The following LRRC59 variants were observed in gnomAD, a reference collection of about 807,000 sequenced individuals.
LRRC59 encodes the protein leucine-rich repeat-containing protein 59.
A neutral mutation model predicts 33.5 loss-of-function variants in LRRC59; 18 were observed. The observed-to-expected ratio is 0.54, with a 90% CI of 0.37 to 0.80. LRRC59 has a LOEUF of 0.80. Among genes scored for constraint, LRRC59 ranks in the 30% least tolerant of loss-of-function variants. LRRC59 has a pLI of 0.00. For synonymous variants in LRRC59, 138 were observed against 160.0 expected (o/e 0.86, Z 1.04); for missense variants, 330 against 391.9 (o/e 0.84, Z 1.33).
chr17:50,397,465 G>A lies in LRRC59; in HGVS notation c.-148C>T. 1.9e-6 allele frequency: 1 copy of A among 539,084 alleles called. No homozygotes were observed. Among genetic ancestry groups the A allele is most frequent in the East Asian group, 3.5e-5 (1 of 28,824 alleles). 33.4% of individuals were successfully genotyped at this position (539,084 alleles called of 1,614,324 possible). A position where few individuals can be genotyped will look rare whatever the true frequency, so the allele number is the denominator to read the frequency against. On this transcript the variant is annotated 5_prime_UTR_variant, in exon 1 of 7. Transcript: ENST00000225972. ...GATGCGAGACCGCCTCCGCCCGCTGGCCGCACTCCGAGCCTCGCGCCTAGC... is the reference window on the plus strand; with the variant it reads ...GATGCGAGACCGCCTCCGCCCGCTGACCGCACTCCGAGCCTCGCGCCTAGC...
At chr17:50,392,672 G>GCCGT in intron 3 of LRRC59, 67 bp downstream of exon 3, 1 of 1,587,506 alleles carries the variant, frequency 6.3e-7, no homozygotes. Flanking sequence ...CTTTCTCAGG[G>GCCGT]CCGTGCTCCA....
intron 4 of LRRC59, among the ~76,000 whole-genome samples, chr17:50,391,936 C>T (rs112068929): frequency 1.3e-5 from 2 of 152,338 alleles, no homozygotes; most frequent in African/African-American, 2.4e-5. Flanking sequence ...TGGTGGCTCA[C>T]GCCTATAATC....
chr17:50,395,386 C>A (rs1914248697), intron 1 of LRRC59, among the ~76,000 whole-genome samples: 1 of 150,874 alleles, frequency 6.6e-6, no homozygotes, highest in Admixed American at 6.6e-5. Context: ...GGAAGGCAGG[C>A]AGGCAGGCAG....
At chr17:50,395,052 T>C (rs1914239133) in intron 1 of LRRC59, 64 bp from the exon 2 acceptor site, 1 of 1,108,466 alleles carries the variant, frequency 9.0e-7, no homozygotes. Flanking sequence ...CTGACATATG[T>C]TAATGAAGCA....
chr17:50,390,511 A>T (rs1914119438), intron 4 of LRRC59, among the ~76,000 whole-genome samples: 1 of 152,066 alleles, frequency 6.6e-6, no homozygotes, highest in Non-Finnish European at 1.5e-5. Flanking sequence ...AAAATTAATT[A>T]TCTGAAAACA....
At chr17:50,385,427 A>T (rs1913979775) in intron 5 of LRRC59, 136 bp from the exon 6 acceptor site, 1 of 970,744 alleles carries the variant, frequency 1.0e-6, no homozygotes, top group Non-Finnish European at 1.5e-6. Flanking sequence ...TTCAAAGGAA[A>T]CAGCCATCCT....
chr17:50,387,422 C>G (rs1186726326), intron 5 of LRRC59, among the ~76,000 whole-genome samples: 1 of 152,204 alleles, frequency 6.6e-6, no homozygotes, highest in African/African-American at 2.4e-5. Context: ...CTGGCCTTGT[C>G]AATGAGTTTG....
Position 50,392,507 on chromosome 17 carries a change from A to G in LRRC59, c.325-5T>C. On this transcript the variant is annotated splice_polypyrimidine_tract_variant and splice_region_variant and intron_variant, in intron 3 of 6. Coordinates refer to ENST00000225972, the MANE Select transcript of LRRC59 (RefSeq NM_018509.4). ...CAGGTCCAACCACTTCAGGTTCTAA[A>G]GAGATGGGCGATGGGCAAAGAGGCT... The G allele has an allele frequency of 6.2e-7, 1 of 1,611,050 alleles. No individual in the cohort carries two copies. Among genetic ancestry groups the G allele is most frequent in the Non-Finnish European group, 8.5e-7 (1 of 1,177,282 alleles).
chr17:50,382,765 GCCCCCCAC>G lies in LRRC59; in HGVS notation c.*215_*222del. 1.9e-6 allele frequency: 1 copy of G among 536,434 alleles called. No homozygotes were observed. The highest frequency in any genetic ancestry group is 3.2e-6 in the Non-Finnish European group (1 of 310,878). 33.2% of individuals were successfully genotyped at this position (536,434 alleles called of 1,614,324 possible). On this transcript the variant is annotated 3_prime_UTR_variant, in exon 7 of 7. Transcript: ENST00000225972. The stretch of plus-strand genomic sequence containing the variant: ...TACTCCTTTAGGCATGCAGGTAACT[GCCCCCCAC>G]GCCCCCCCGCCACCTCCCATTTCTC...
Position 50,382,782 on chromosome 17 carries a change from G to GCCCCCCCCC in LRRC59, c.*205_*206insGGGGGGGGG. 8.9e-6 allele frequency: 1 copy of GCCCCCCCCC among 112,394 alleles called. No individual in the cohort carries two copies. Among genetic ancestry groups the GCCCCCCCCC allele is most frequent in the South Asian group, 8.9e-5 (1 of 11,254 alleles). The allele number at this position is 112,394 out of a possible 1,614,324, so 7.0% of individuals were successfully genotyped here. A position where few individuals can be genotyped will look rare whatever the true frequency, so the allele number is the denominator to read the frequency against. Reference sequence around the variant, plus strand: ...AGGTAACTGCCCCCCACGCCCCCCCGCCACCTCCCATTTCTCCTCATTCCT... The same window carrying GCCCCCCCCC: ...AGGTAACTGCCCCCCACGCCCCCCCGCCCCCCCCCCCACCTCCCATTTCTCCTCATTCCT... On this transcript the variant is annotated 3_prime_UTR_variant, in exon 7 of 7. Transcript: ENST00000225972.
intron 2 of LRRC59, among the ~76,000 whole-genome samples, chr17:50,393,343 T>C (rs1487676678): frequency 1.3e-5 from 2 of 152,190 alleles, no homozygotes; most frequent in Non-Finnish European, 2.9e-5. Context: ...CAGCCTACCC[T>C]CCACACTGCT....
chr17:50,391,235 T>TTCTCATCTAAGGGAAAAC (rs1343289848), intron 4 of LRRC59, among the ~76,000 whole-genome samples: 3 of 152,234 alleles, frequency 2.0e-5, no homozygotes, highest in Admixed American at 6.5e-5. Context: ...ACTTATACTG[T>TTCTCATCTAAGGGAAAAC]TCTCATCTAA....
intron 5 of LRRC59, among the ~76,000 whole-genome samples, chr17:50,387,768 G>C (rs140201747): frequency 6.6e-6 from 1 of 152,128 alleles, no homozygotes; most frequent in Non-Finnish European, 1.5e-5. Context: ...CACTGGGAGG[G>C]ACTGAAGGGC....
At chr17:50,384,027 ACT>A (rs1342845928) in intron 6 of LRRC59, among the ~76,000 whole-genome samples, 1 of 150,192 alleles carries the variant, frequency 6.7e-6, no homozygotes, top group East Asian at 2.1e-4. Context: ...ACAGGCCTCC[ACT>A]CTCTGTACAG....
At position 50,385,281 on chromosome 17, in the gene LRRC59, C is replaced by T. The variant is rs769483938; in HGVS notation, c.513G>A (p.Lys171=). The part of the protein sequence containing the change: ...RRLEVEREAE[K]KREAKQRAKE... ...TAGCTCGCTGCTTAGCCTCACGCTT[C>T]TTCTCTGCCTCTACAACAAAACATA... is the stretch of plus-strand genomic sequence containing the variant. The change falls in exon 6 of 7, where the codon AAG becomes AAA. Residue 171 remains lysine (K), a synonymous_variant. Transcript: ENST00000225972. 5 of 1,613,498 alleles carry T rather than the reference C, an allele frequency of 3.1e-6. No individual in the cohort carries two copies. In the East Asian group the frequency reaches 1.1e-4, roughly 36 times the overall value.
chr17:50,385,529 G>A (rs1391971020), intron 5 of LRRC59, among the ~76,000 whole-genome samples: 2 of 152,192 alleles, frequency 1.3e-5, no homozygotes, highest in Non-Finnish European at 2.9e-5. Context: ...TCAAGCAGCA[G>A]AGAAATTAGG....
At chr17:50,393,779 C>T (rs1235838130) in intron 2 of LRRC59, among the ~76,000 whole-genome samples, 1 of 152,168 alleles carries the variant, frequency 6.6e-6, no homozygotes, top group Non-Finnish European at 1.5e-5. Flanking sequence ...AAGCTCAGAT[C>T]GAAAAGTGCA....
chr17:50,394,430 C>A (rs1292897847), intron 2 of LRRC59, among the ~76,000 whole-genome samples: 1 of 152,176 alleles, frequency 6.6e-6, no homozygotes, highest in Non-Finnish European at 1.5e-5. Flanking sequence ...CCACATTGAG[C>A]AAATCTCAAC....
rs1913860020 is a variant in LRRC59, at chr17:50,381,912, T to C, written c.*1076A>G. On this transcript the variant is annotated 3_prime_UTR_variant, in exon 7 of 7. Transcript: ENST00000225972. Reference sequence around the variant, plus strand: ...TGTTTCCATTTATGCCCTTCAGTTATGGTCTAGAATCAAACAATTCTAAAC... The same window carrying C: ...TGTTTCCATTTATGCCCTTCAGTTACGGTCTAGAATCAAACAATTCTAAAC... The C allele has an allele frequency of 6.5e-6, 1 of 152,680 alleles. No homozygotes were observed. The highest frequency in any genetic ancestry group is 1.5e-5 in the Non-Finnish European group (1 of 68,042). The allele number at this position is 152,680 out of a possible 1,614,324, so 9.5% of individuals were successfully genotyped here.
Sources: allele counts gnomAD v4.1 joint callset (sites outside exome capture counted in the v4.1 genomes callset), GRCh38; gene constraint gnomAD v4.1.1; transcripts MANE v1.5; gene names NCBI Gene and HGNC (gene_info 2026-07-23, HGNC 2026-07-21).